CDH9: variants seen among roughly 807,000 people sequenced by gnomAD.
CDH9 encodes the protein cadherin 9, also known as cadherin-9.
A neutral mutation model predicts 70.9 loss-of-function variants in CDH9; 28 were observed. The observed-to-expected ratio is 0.40, with a 90% CI of 0.29 to 0.54. CDH9 has a LOEUF of 0.54. CDH9 is among the 20% of genes least tolerant of loss of function. The probability of loss-of-function intolerance (pLI) is 0.59; values close to 1 mark genes in which losing one functional copy is unlikely to be tolerated. For missense variants in CDH9, 874 were observed against 984.4 expected, an observed-to-expected ratio of 0.89 and a Z score of 1.50; for synonymous variants, 409 against 343.1, an observed-to-expected ratio of 1.19 and a Z score of -2.12.
intron 5 of CDH9, among the ~76,000 whole-genome samples, chr5:26,904,259 C>G (rs1228103562): frequency 1.3e-5 from 2 of 151,438 alleles, no homozygotes; most frequent in African/African-American, 4.9e-5. Context: ...AAAAATAATG[C>G]CATACAGACC....
Position 26,885,608 on chromosome 5 carries a change from G to T in CDH9, c.1882+6C>A. 4.3e-6 allele frequency: 7 copies of T among 1,611,894 alleles called. No individual in the cohort carries two copies. The highest frequency in any genetic ancestry group is 5.9e-6 in the Non-Finnish European group (7 of 1,179,052). Reference sequence around the variant, plus strand: ...TTAAAGGATCATTCAGAGGGGCAGAGCTTACTAAGCAGTATGAGGACACAG... The same window carrying T: ...TTAAAGGATCATTCAGAGGGGCAGATCTTACTAAGCAGTATGAGGACACAG... On this transcript the variant is annotated splice_donor_region_variant and intron_variant, in intron 11 of 11. Coordinates refer to ENST00000231021, the MANE Select transcript of CDH9 (RefSeq NM_016279.4).
At chr5:26,972,956 C>T (rs939336450) in intron 2 of CDH9, among the ~76,000 whole-genome samples, 12 of 151,892 alleles carry the variant, frequency 7.9e-5, no homozygotes, top group African/African-American at 2.9e-4. Flanking sequence ...CTCCGCCTCC[C>T]AGGTTCAAGC....
intron 2 of CDH9, among the ~76,000 whole-genome samples, chr5:26,953,091 A>G (rs1053092124): frequency 1.3e-5 from 2 of 152,132 alleles, no homozygotes; most frequent in South Asian, 4.1e-4. Context: ...AGCGTATCCT[A>G]CTGAAGGTTT....
intron 2 of CDH9, among the ~76,000 whole-genome samples, chr5:26,956,065 AG>A (rs1261938808): frequency 2.0e-5 from 3 of 152,144 alleles, no homozygotes; most frequent in Non-Finnish European, 2.9e-5. Context: ...GCCCTTGTTG[AG>A]GGGGTTGGTA....
chr5:27,024,091 A>G (rs924343672), intron 1 of CDH9, among the ~76,000 whole-genome samples: 7 of 151,798 alleles, frequency 4.6e-5, no homozygotes, highest in Non-Finnish European at 7.4e-5. Context: ...AAAAATAAAC[A>G]TAGAATTTAA....
Position 26,929,131 on chromosome 5 carries a change from A to G in CDH9, c.229-13207T>C, listed in dbSNP as rs369753830. On this transcript the variant is annotated intron_variant, in intron 2 of 11. Coordinates refer to ENST00000231021, the MANE Select transcript of CDH9 (RefSeq NM_016279.4). ...AACTGAATATATAATGAGCTCAAAC[A>G]ACTCTGTAAGAAAGAAAATCTAAGT... 6.6e-5 allele frequency among the ~76,000 whole-genome samples: 10 copies of G among 152,174 alleles called. No individual in the cohort carries two copies. In the South Asian group the frequency reaches 1.9e-3, roughly 28 times the overall value.
chr5:26,973,571 C>A (rs560796959), intron 2 of CDH9, among the ~76,000 whole-genome samples: 1 of 151,796 alleles, frequency 6.6e-6, no homozygotes, highest in East Asian at 1.9e-4. Context: ...TAACACTATT[C>A]GTCAATTTCA....
chr5:26,904,149 C>T (rs1249694764), intron 5 of CDH9, among the ~76,000 whole-genome samples: 2 of 148,802 alleles, frequency 1.3e-5, no homozygotes, highest in Non-Finnish European at 3.0e-5. Flanking sequence ...ATTTACTGCT[C>T]ATCTGGGGCT....
At position 26,883,961 on chromosome 5, in the gene CDH9, A is replaced by G. The variant is rs138423807; in HGVS notation, c.1882+1653T>C. Among the ~76,000 whole-genome samples, 39 of 152,244 alleles carry G rather than the reference A, an allele frequency of 2.6e-4. No individual in the cohort carries two copies. The East Asian group carries it at 7.1e-3, about 28-fold the overall frequency. On this transcript the variant is annotated intron_variant, in intron 11 of 11. Transcript: ENST00000231021. ...TTATGAAAAGCAAACTCTCTTAACT[A>G]TAGAAATGCATTAACTACGTCCAGC...
intron 1 of CDH9, among the ~76,000 whole-genome samples, chr5:26,993,074 C>G (rs1230505270): frequency 1.4e-5 from 2 of 142,650 alleles, no homozygotes; most frequent in East Asian, 4.0e-4. Flanking sequence ...GCACTCTAAC[C>G]TGGGCAACAA....
chr5:26,931,315 A>G (rs1383032340), intron 2 of CDH9, among the ~76,000 whole-genome samples: 1 of 152,160 alleles, frequency 6.6e-6, no homozygotes. Context: ...ACAAAGGGAA[A>G]AGAGCCACAG....
chr5:26,917,031 A>C (rs955849544), intron 2 of CDH9, among the ~76,000 whole-genome samples: 1 of 151,948 alleles, frequency 6.6e-6, no homozygotes, highest in Non-Finnish European at 1.5e-5. Context: ...GAATATTTAC[A>C]ACAAACAGAC....
intron 5 of CDH9, among the ~76,000 whole-genome samples, chr5:26,904,371 T>C (rs998559768): frequency 1.0e-4 from 1 of 9,654 alleles, no homozygotes; most frequent in African/African-American, 1.9e-4. Context: ...TATTGTATTC[T>C]GGTAACCCTA....
At chr5:26,884,154 G>A (rs1579660170) in intron 11 of CDH9, among the ~76,000 whole-genome samples, 1 of 152,014 alleles carries the variant, frequency 6.6e-6, no homozygotes, top group African/African-American at 2.4e-5. Flanking sequence ...TATTGCTCAA[G>A]GAACAAAGGT....
chr5:27,009,198 T>A (rs1044298872), intron 1 of CDH9, among the ~76,000 whole-genome samples: 1 of 152,134 alleles, frequency 6.6e-6, no homozygotes, highest in Admixed American at 6.6e-5. Flanking sequence ...TATACATTGA[T>A]CCAGTTTGTG....
At chr5:26,890,866 C>A (rs1011760991) in intron 7 of CDH9, 2 of 266,640 alleles carry the variant, frequency 7.5e-6, no homozygotes, top group East Asian at 7.4e-5. Context: ...CTATCGTAGG[C>A]CTACTGCAGT....
At position 26,916,412 on chromosome 5, in the gene CDH9, T is replaced by C. The variant is rs1017697444; in HGVS notation, c.229-488A>G. ...TCCTTCAGTACAGAGTATCCCCTTA[T>C]CTGTGGGGGATACATTTTATAAGTG... On this transcript the variant is annotated intron_variant, in intron 2 of 11. Transcript: ENST00000231021. Among the ~76,000 whole-genome samples, 18 of 151,956 alleles carry C rather than the reference T, an allele frequency of 1.2e-4. 1 individual carries two copies. Among genetic ancestry groups the C allele is most frequent in the Non-Finnish European group, 5.9e-5 (4 of 67,858 alleles).
rs1364934359 is a variant in CDH9 at position 26,885,646 on chromosome 5, A to G, written c.1850T>C (p.Val617Ala). Reference sequence around the variant, plus strand: ...TATGAGGACACAGAGTAGAATCGCAACGAGAGCTCCCGTGCTCAGGCCGGC... The same window carrying G: ...TATGAGGACACAGAGTAGAATCGCAGCGAGAGCTCCCGTGCTCAGGCCGGC... The part of the protein sequence containing the change: ...LSAGLSTGAL[V>A]AILLCVLILL... Residue 617 changes from valine (V) to alanine (A), a missense_variant, in exon 11 of 12, where the codon GTT (valine) becomes GCT (alanine). Physicochemically the swap from Val to Ala is moderately conservative, Grantham distance 64. Coordinates refer to ENST00000231021, the MANE Select transcript of CDH9 (RefSeq NM_016279.4). The G allele has an allele frequency of 6.2e-7, 1 of 1,613,590 alleles. No individual in the cohort carries two copies.
At chr5:26,908,451 T>C (rs1277981399) in intron 3 of CDH9, among the ~76,000 whole-genome samples, 1 of 152,154 alleles carries the variant, frequency 6.6e-6, no homozygotes, top group Non-Finnish European at 1.5e-5. Flanking sequence ...TTATTAAGCA[T>C]TACCAATATG....
Sources: allele counts gnomAD v4.1 joint callset (sites outside exome capture counted in the v4.1 genomes callset), GRCh38; gene constraint gnomAD v4.1.1; transcripts MANE v1.5; gene names NCBI Gene and HGNC (gene_info 2026-07-23, HGNC 2026-07-21).